GAK: variants seen among roughly 807,000 people sequenced by gnomAD.
The protein encoded by GAK is cyclin-G-associated kinase.
In GAK, 79 loss-of-function variants were observed where a neutral mutation model predicts 143.9. That is an observed-to-expected ratio of 0.55 (90% confidence interval 0.46 to 0.66). The LOEUF (loss-of-function observed/expected upper bound fraction) is 0.66, where lower values mean the gene tolerates loss of function less well. Among genes scored for constraint, GAK ranks in the 30% least tolerant of loss-of-function variants. GAK has a pLI of 0.00. For missense variants in GAK, 1,693 were observed against 1,779.7 expected (o/e 0.95, Z 0.88); for synonymous variants, 881 against 765.5 (o/e 1.15, Z -2.49).
intron 13 of GAK, 87 bp from the exon 14 acceptor site, chr4:882,906 C>T (rs568238395): frequency 3.2e-4 from 489 of 1,520,254 alleles, no homozygotes; most frequent in Non-Finnish European, 4.1e-4. Context: ...GCCTGCAGTG[C>T]GGGGGCCTCC....
intron 22 of GAK, 29 bp downstream of exon 22, chr4:866,335 G>A (rs753440300): frequency 1.2e-6 from 2 of 1,608,356 alleles, no homozygotes; most frequent in South Asian, 1.1e-5. Flanking sequence ...CGGCCATGGA[G>A]AGCTGGCTGC....
At chr4:849,833 G>GTCCCCCCCCCCCCCCCC in intron 27 of GAK, 59 bp from the exon 28 acceptor site, 1 of 1,190,152 alleles carries the variant, frequency 8.4e-7, no homozygotes, top group Non-Finnish European at 1.2e-6. Flanking sequence ...GGCGGGGCAG[G>GTCCCCCCCCCCCCCCCC]ACCCCCCCCC....
intron 1 of GAK, among the ~76,000 whole-genome samples, chr4:927,258 G>C (rs377336806): frequency 8.1e-5 from 1 of 12,290 alleles, no homozygotes; most frequent in Non-Finnish European, 1.5e-4. Context: ...CACCCCTCCC[G>C]GCTCACCTGC....
chr4:864,936 C>G (rs1018566961), intron 23 of GAK, among the ~76,000 whole-genome samples, 186 bp downstream of exon 23: 1 of 152,240 alleles, frequency 6.6e-6, no homozygotes, highest in Non-Finnish European at 1.5e-5. Context: ...CCCAGGCACA[C>G]CGGGTGAGTG....
Position 900,906 on chromosome 4 carries a change from G to C in GAK, c.526-2748C>G, listed in dbSNP as rs1332736308. ...GCAGGCTCCACAGCGGTGGCCATGG[G>C]AGCGAAAGGGCCTGGGGCTCAGGAG... On this transcript the variant is annotated intron_variant, in intron 5 of 27. Coordinates refer to ENST00000314167, the MANE Select transcript of GAK (RefSeq NM_005255.4). 2.0e-5 allele frequency among the ~76,000 whole-genome samples: 3 copies of C among 152,246 alleles called. No individual in the cohort carries two copies. The East Asian group carries it at 5.8e-4, about 29-fold the overall frequency.
rs1577252986 is a variant in GAK at position 904,736 on chromosome 4, G to C, written c.426C>G (p.Pro142=). 6.2e-7 allele frequency: 1 copy of C among 1,614,178 alleles called. No individual in the cohort carries two copies. The highest frequency in any genetic ancestry group is 1.3e-5 in the African/African-American group (1 of 75,074). The change falls in exon 5 of 28, where the codon CCC becomes CCG. Residue 142 remains proline, a synonymous_variant. Coordinates refer to ENST00000314167, the MANE Select transcript of GAK (RefSeq NM_005255.4). ...TCTTCAGAACCGTGTCGCACGAAAG[G>C]GGGCCTCGAGATTCCATTTTCTTCA... ...EFLKKMESRG[P]LSCDTVLKIF... is the part of the protein sequence containing the mutation.
chr4:895,975 G>A (rs1718690065), intron 7 of GAK, among the ~76,000 whole-genome samples: 1 of 152,234 alleles, frequency 6.6e-6, no homozygotes, highest in Non-Finnish European at 1.5e-5. Flanking sequence ...AAGTAGTCAA[G>A]GTTGGGCAGG....
intron 5 of GAK, among the ~76,000 whole-genome samples, chr4:902,790 C>T (rs1025268260): frequency 1.2e-4 from 18 of 151,848 alleles, no homozygotes; most frequent in South Asian, 1.0e-3. Flanking sequence ...GCAGCACAGG[C>T]GACACTTAGC....
At chr4:903,406 C>G (rs1187043640) in intron 5 of GAK, among the ~76,000 whole-genome samples, 2 of 152,162 alleles carry the variant, frequency 1.3e-5, no homozygotes, top group Non-Finnish European at 2.9e-5. Flanking sequence ...GCTGAGTAGG[C>G]AAGGGGTCCG....
At chr4:928,553 T>C (rs565369560) in intron 1 of GAK, among the ~76,000 whole-genome samples, 160 of 152,272 alleles carry the variant, frequency 1.1e-3, no homozygotes, top group Admixed American at 2.2e-3. Context: ...ATCTCAAGTG[T>C]ACCCTGCGGA....
intron 23 of GAK, among the ~76,000 whole-genome samples, 166 bp downstream of exon 23, chr4:864,956 C>A (rs1337936149): frequency 6.6e-6 from 1 of 152,240 alleles, no homozygotes; most frequent in Non-Finnish European, 1.5e-5. Flanking sequence ...GAGGCCGCTG[C>A]AGTCATACCA....
At position 850,087 on chromosome 4, in the gene GAK, T is replaced by C; in HGVS notation, c.3658-19A>G. 1 of 1,548,742 alleles carries C rather than the reference T, an allele frequency of 6.5e-7. No homozygotes were observed. The highest frequency in any genetic ancestry group is 1.2e-5 in the South Asian group (1 of 85,518). On this transcript the variant is annotated intron_variant, in intron 26 of 27. Coordinates refer to ENST00000314167, the MANE Select transcript of GAK (RefSeq NM_005255.4). ...CCAGGAGCTGCGGGAGACACGGAGC[T>C]TGCCGAGCCCTGGGCACCTGCCTGC...
At chr4:869,150 G>A (rs1274277291) in intron 19 of GAK, 5 of 180,826 alleles carry the variant, frequency 2.8e-5, no homozygotes, top group East Asian at 1.7e-4. Flanking sequence ...TAGATGCAGG[G>A]TACACATGAA....
chr4:851,141 A>C (rs1339727958), intron 25 of GAK, 57 bp from the exon 26 acceptor site: 1 of 1,483,642 alleles, frequency 6.7e-7, no homozygotes, highest in African/African-American at 1.4e-5. Flanking sequence ...TCTGTCACCC[A>C]GGCCAGAGTG....
At chr4:875,165 C>T (rs1713580926) in intron 18 of GAK, among the ~76,000 whole-genome samples, 1 of 152,252 alleles carries the variant, frequency 6.6e-6, no homozygotes, top group African/African-American at 2.4e-5. Flanking sequence ...TTTTCCTCTT[C>T]ATCATCAGTA....
At chr4:896,642 A>G (rs1718827233) in intron 6 of GAK, 93 bp from the exon 7 acceptor site, 2 of 969,458 alleles carry the variant, frequency 2.1e-6, no homozygotes, top group Non-Finnish European at 3.2e-6. Flanking sequence ...CCAAATGCAC[A>G]GCAGACTGAG....
At chr4:857,977 C>G (rs1749590847) in intron 24 of GAK, among the ~76,000 whole-genome samples, 1 of 152,228 alleles carries the variant, frequency 6.6e-6, no homozygotes, top group African/African-American at 2.4e-5. Context: ...CATCGTCTCC[C>G]TTGAGACCTC....
At chr4:897,543 G>A (rs909477455) in intron 6 of GAK, among the ~76,000 whole-genome samples, 3 of 152,168 alleles carry the variant, frequency 2.0e-5, no homozygotes, top group East Asian at 1.9e-4. Flanking sequence ...AAGAAGCTTC[G>A]GAGGAGAGCC....
At chr4:881,114 G>A (rs988906085) in intron 15 of GAK, among the ~76,000 whole-genome samples, 2 of 152,172 alleles carry the variant, frequency 1.3e-5, no homozygotes, top group African/African-American at 2.4e-5. Context: ...CCTGACCCTC[G>A]CCCCGTCCAC....
Sources: gnomAD v4.1 joint callset for allele counts (sites outside exome capture counted in the v4.1 genomes callset) on GRCh38, gnomAD v4.1.1 for gene constraint, MANE v1.5 for transcripts, NCBI Gene and HGNC (gene_info 2026-07-23, HGNC 2026-07-21) for gene names.